The following MRPS6 variants were observed in gnomAD, a reference collection of about 807,000 sequenced individuals.
MRPS6 encodes the protein mitochondrial ribosomal protein S6.
In MRPS6, 6 loss-of-function variants were observed where a neutral mutation model predicts 13.1. That is an observed-to-expected ratio of 0.46 (90% CI 0.25 to 0.91). The LOEUF (loss-of-function observed/expected upper bound fraction) is 0.91, where lower values mean the gene tolerates loss of function less well. Among genes scored for constraint, MRPS6 ranks in the 40% least tolerant of loss-of-function variants. The probability of loss-of-function intolerance (pLI) is 0.18; values close to 1 mark genes in which losing one functional copy is unlikely to be tolerated. For synonymous variants in MRPS6, 61 were observed against 56.5 expected, an observed-to-expected ratio of 1.08 and a Z score of -0.36; for missense variants, 164 against 155.6, an observed-to-expected ratio of 1.05 and a Z score of -0.29.
intron 1 of MRPS6, chr21:34,122,107 C>A (rs1234500868): frequency 6.6e-6 from 1 of 152,234 alleles, no homozygotes; most frequent in African/African-American, 2.4e-5. Context: ...CTCAGCCCAT[C>A]ACAATATAGA....
At chr21:34,099,189 A>G (rs1979116494) in intron 1 of MRPS6, 1 of 999,780 alleles carries the variant, frequency 1.0e-6, no homozygotes, top group Admixed American at 6.2e-5. Flanking sequence ...AGTGCCTTGT[A>G]GAATTTTTTT....
chr21:34,090,486 T>C (rs1978629317), intron 1 of MRPS6, among the ~76,000 whole-genome samples: 1 of 152,224 alleles, frequency 6.6e-6, no homozygotes, highest in South Asian at 2.1e-4. Context: ...GATGAGACAG[T>C]TGGGAGTCTA....
At chr21:34,077,727 T>TGGTAGG (rs1989367524) in intron 1 of MRPS6, among the ~76,000 whole-genome samples, 1 of 152,208 alleles carries the variant, frequency 6.6e-6, no homozygotes, top group African/African-American at 2.4e-5. Flanking sequence ...AATAGTACTT[T>TGGTAGG]GGTAGGGTAA....
At chr21:34,129,904 T>C (rs1246919099) in intron 2 of MRPS6, among the ~76,000 whole-genome samples, 1 of 152,136 alleles carries the variant, frequency 6.6e-6, no homozygotes, top group East Asian at 1.9e-4. Context: ...GTTTTGAAAA[T>C]GTATGAGACC....
In MRPS6 at chr21:34,142,391, T is replaced by C; in HGVS notation, c.186-17T>C. 1 of 1,550,816 alleles carries C rather than the reference T, an allele frequency of 6.4e-7. No homozygotes were observed. Among genetic ancestry groups the C allele is most frequent in the South Asian group, 1.2e-5 (1 of 80,266 alleles). ...CAATTCAAATGCAGACACTCACAAG[T>C]TTTTATTTTATTGCAGGTATTTCTT... On this transcript the variant is annotated splice_polypyrimidine_tract_variant and intron_variant, in intron 2 of 2. Coordinates refer to ENST00000399312, the MANE Select transcript of MRPS6 (RefSeq NM_032476.4).
intron 1 of MRPS6, chr21:34,105,802 G>T: frequency 1.0e-6 from 1 of 996,202 alleles, no homozygotes; most frequent in Non-Finnish European, 1.2e-6. Flanking sequence ...TGTTTTAGTT[G>T]CAAGCAGAAA....
At chr21:34,107,801 C>T (rs886641646) in intron 1 of MRPS6, among the ~76,000 whole-genome samples, 37 of 152,166 alleles carry the variant, frequency 2.4e-4, no homozygotes, top group Admixed American at 2.3e-3. Context: ...TCCTTTGTGA[C>T]GTTTCCATCA....
chr21:34,097,685 T>A lies in MRPS6; in HGVS notation c.45+23940T>A, dbSNP rs372764128. The stretch of plus-strand genomic sequence containing the variant: ...TTACCATGAATTAAGGTATACTGTC[T>A]GCACTGCCAAGTCTTGGCAGACCTT... On this transcript the variant is annotated intron_variant, in intron 1 of 2. Transcript: ENST00000399312. 9.6e-5 allele frequency: 99 copies of A among 1,030,688 alleles called. No individual in the cohort carries two copies. In the African/African-American group the frequency reaches 1.6e-3, roughly 17 times the overall value. 63.8% of individuals were successfully genotyped at this position (1,030,688 alleles called of 1,614,324 possible).
intron 2 of MRPS6, among the ~76,000 whole-genome samples, chr21:34,131,265 C>T (rs1269973708): frequency 1.3e-5 from 2 of 152,142 alleles, no homozygotes; most frequent in Non-Finnish European, 1.5e-5. Flanking sequence ...AGTCCACGTG[C>T]GTTAGGACTT....
intron 2 of MRPS6, among the ~76,000 whole-genome samples, chr21:34,138,308 G>A (rs1401185039): frequency 1.3e-5 from 2 of 152,056 alleles, no homozygotes; most frequent in Non-Finnish European, 2.9e-5. Flanking sequence ...TGCTTTTGGT[G>A]TTTTAGATGT....
At chr21:34,080,250 G>A (rs189381887) in intron 1 of MRPS6, among the ~76,000 whole-genome samples, 11 of 152,330 alleles carry the variant, frequency 7.2e-5, no homozygotes, top group African/African-American at 2.6e-4. Flanking sequence ...CTAATTGATT[G>A]TATCAACACT....
intron 1 of MRPS6, among the ~76,000 whole-genome samples, chr21:34,077,772 TG>T (rs1166100655): frequency 6.6e-6 from 1 of 152,182 alleles, no homozygotes; most frequent in Non-Finnish European, 1.5e-5. Flanking sequence ...AGTTCTGACT[TG>T]GTTTAATTTG....
intron 1 of MRPS6, among the ~76,000 whole-genome samples, chr21:34,090,929 T>C (rs922172622): frequency 6.6e-6 from 1 of 152,226 alleles, no homozygotes; most frequent in Non-Finnish European, 1.5e-5. Context: ...TCTTACAGAA[T>C]CATGAAATCT....
chr21:34,075,053 C>G (rs1433731698), intron 1 of MRPS6, among the ~76,000 whole-genome samples: 1 of 152,218 alleles, frequency 6.6e-6, no homozygotes, highest in Non-Finnish European at 1.5e-5. Context: ...GGCCCTCCTC[C>G]TTGCTTACCA....
intron 1 of MRPS6, among the ~76,000 whole-genome samples, chr21:34,092,750 T>C (rs1427966500): frequency 1.3e-5 from 2 of 152,200 alleles, no homozygotes; most frequent in African/African-American, 4.8e-5. Context: ...CTATGACACA[T>C]AACCCACCCT....
chr21:34,080,112 A>T (rs1989426777), intron 1 of MRPS6, among the ~76,000 whole-genome samples: 1 of 152,172 alleles, frequency 6.6e-6, no homozygotes, highest in South Asian at 2.1e-4. Flanking sequence ...AGGGGAGGAT[A>T]GCTAATACCT....
intron 2 of MRPS6, among the ~76,000 whole-genome samples, chr21:34,137,925 A>G (rs961062889): frequency 6.6e-6 from 1 of 152,050 alleles, no homozygotes; most frequent in Non-Finnish European, 1.5e-5. Flanking sequence ...TGTTAAGCCA[A>G]TCTTGCATTC....
At chr21:34,103,326 A>G in intron 1 of MRPS6, 1 of 999,128 alleles carries the variant, frequency 1.0e-6, no homozygotes, top group Non-Finnish European at 1.2e-6. Flanking sequence ...AAAAAAAAAA[A>G]AAAAACATGC....
intron 1 of MRPS6, among the ~76,000 whole-genome samples, chr21:34,118,671 C>T (rs949771620): frequency 1.5e-4 from 22 of 151,560 alleles, no homozygotes; most frequent in African/African-American, 1.9e-4. Context: ...TACACCACCA[C>T]GCCTGGCTAA....
Sources: allele counts gnomAD v4.1 joint callset (sites outside exome capture counted in the v4.1 genomes callset), GRCh38; gene constraint gnomAD v4.1.1; transcripts MANE v1.5; gene names NCBI Gene and HGNC (gene_info 2026-07-23, HGNC 2026-07-21).